The following SIPA1L1 variants were observed in gnomAD, a reference collection of about 807,000 sequenced individuals.
The protein encoded by SIPA1L1 is signal induced proliferation associated 1 like 1.
In SIPA1L1, 26 loss-of-function variants were observed where a neutral mutation model predicts 162.7. The ratio of observed to expected loss-of-function variants is 0.16; its 90% CI spans 0.12 to 0.22. The LOEUF (loss-of-function observed/expected upper bound fraction) is 0.22, where lower values mean the gene tolerates loss of function less well. Ranked by LOEUF, SIPA1L1 falls within the 10% of genes least tolerant of loss-of-function variation. The pLI, the probability that SIPA1L1 is intolerant of heterozygous loss-of-function variation, is 1.00. For missense variants in SIPA1L1, 1,874 were observed against 2,241.0 expected (o/e 0.84, Z 3.31); for synonymous variants, 829 against 837.4 (o/e 0.99, Z 0.17).
intron 5 of SIPA1L1, among the ~76,000 whole-genome samples, chr14:71,600,891 A>G (rs1004388306): frequency 1.1e-4 from 17 of 151,976 alleles, no homozygotes; most frequent in African/African-American, 4.1e-4. Flanking sequence ...TTCTTTCTCA[A>G]CTAATTCGTT....
At chr14:71,343,682 T>C (rs2035881088) in intron 2 of SIPA1L1, among the ~76,000 whole-genome samples, 1 of 152,026 alleles carries the variant, frequency 6.6e-6, no homozygotes, top group East Asian at 1.9e-4. Context: ...GTAAAAGGCT[T>C]TAAGGTGAAA....
At chr14:71,593,974 A>G (rs1294955805) in intron 5 of SIPA1L1, among the ~76,000 whole-genome samples, 1 of 152,212 alleles carries the variant, frequency 6.6e-6, no homozygotes, top group Non-Finnish European at 1.5e-5. Context: ...CCCATTCCTT[A>G]AAAGAGGGAC....
chr14:71,553,541 A>G lies in SIPA1L1; in HGVS notation c.-303+24171A>G, dbSNP rs555617841. Among the ~76,000 whole-genome samples, 14 of 152,350 alleles carry G rather than the reference A, an allele frequency of 9.2e-5. 3 individuals are homozygous for G. The Middle Eastern group carries it at 0.044, about 481-fold the overall frequency. Reference sequence around the variant, plus strand: ...GTTTGAATGTTTTAATTGGATGTCAAGATAGGAAAGGCATGTTTTTCAGAG... The same window carrying G: ...GTTTGAATGTTTTAATTGGATGTCAGGATAGGAAAGGCATGTTTTTCAGAG... On this transcript the variant is annotated intron_variant, in intron 4 of 23. Transcript: ENST00000381232.
chr14:71,386,416 C>T (rs2040328391), intron 2 of SIPA1L1, among the ~76,000 whole-genome samples: 2 of 152,190 alleles, frequency 1.3e-5, no homozygotes, highest in Non-Finnish European at 2.9e-5. Flanking sequence ...GGTGGGTCTG[C>T]CTTTCCCAGT....
chr14:71,723,994 G>A (rs1468648432), intron 18 of SIPA1L1, 108 bp downstream of exon 18: 12 of 1,313,790 alleles, frequency 9.1e-6, no homozygotes, highest in Non-Finnish European at 1.0e-6. Context: ...TAGGGGGTTG[G>A]CAGGAGTTGG....
At chr14:71,416,329 G>C (rs1566994173) in intron 2 of SIPA1L1, 1 of 152,024 alleles carries the variant, frequency 6.6e-6, no homozygotes, top group Non-Finnish European at 1.5e-5. Context: ...TCAAGACAGA[G>C]CATTTTGGGT....
At chr14:71,639,471 C>T (rs2041486989) in intron 7 of SIPA1L1, among the ~76,000 whole-genome samples, 1 of 152,170 alleles carries the variant, frequency 6.6e-6, no homozygotes, top group South Asian at 2.1e-4. Context: ...AGAGCGTTAA[C>T]ATATATTAAT....
At chr14:71,456,281 A>G (rs118035101) in intron 2 of SIPA1L1, among the ~76,000 whole-genome samples, 279 of 152,346 alleles carry the variant, frequency 1.8e-3, no homozygotes, top group Non-Finnish European at 2.5e-3. Context: ...ACAGACACGC[A>G]TTAACTGATC....
At chr14:71,415,988 A>G (rs571450862) in intron 2 of SIPA1L1, 2 of 152,162 alleles carry the variant, frequency 1.3e-5, no homozygotes, top group East Asian at 3.9e-4. Flanking sequence ...GTGAGCCACC[A>G]TGCCCGGATG....
chr14:71,703,788 C>G (rs568318064), intron 15 of SIPA1L1, among the ~76,000 whole-genome samples: 2 of 152,250 alleles, frequency 1.3e-5, no homozygotes, highest in Middle Eastern at 3.4e-3. Context: ...CTCCCACTCT[C>G]GGGAAGTCAC....
At chr14:71,531,913 A>T (rs1265009133) in intron 4 of SIPA1L1, among the ~76,000 whole-genome samples, 1 of 152,220 alleles carries the variant, frequency 6.6e-6, no homozygotes, top group African/African-American at 2.4e-5. Context: ...TGCCTCCATG[A>T]AACTGAATAG....
chr14:71,611,018 A>C (rs1490498090), intron 5 of SIPA1L1, among the ~76,000 whole-genome samples: 1 of 152,228 alleles, frequency 6.6e-6, no homozygotes, highest in Non-Finnish European at 1.5e-5. Flanking sequence ...AGTCCTGTTT[A>C]AATGTCCCCA....
intron 2 of SIPA1L1, among the ~76,000 whole-genome samples, chr14:71,481,819 A>G (rs1248184213): frequency 6.6e-6 from 1 of 152,234 alleles, no homozygotes; most frequent in African/African-American, 2.4e-5. Context: ...AGGATATAGG[A>G]GTAGACAATT....
chr14:71,330,502 G>C, intron 2 of SIPA1L1: 1 of 1,599,878 alleles, frequency 6.3e-7, no homozygotes, highest in Non-Finnish European at 8.6e-7. Flanking sequence ...CTGAAGTCCT[G>C]CTCTATGTGC....
intron 10 of SIPA1L1, 36 bp from the exon 11 acceptor site, chr14:71,671,083 A>G (rs2044471453): frequency 6.7e-7 from 1 of 1,493,944 alleles, no homozygotes; most frequent in Non-Finnish European, 9.1e-7. Flanking sequence ...AGACTGAGAA[A>G]TACTGACGTG....
chr14:71,660,713 A>T (rs1288079796), intron 9 of SIPA1L1, among the ~76,000 whole-genome samples: 2 of 152,210 alleles, frequency 1.3e-5, no homozygotes, highest in Non-Finnish European at 2.9e-5. Context: ...AAAGCCACCC[A>T]TCCAAAACCC....
intron 4 of SIPA1L1, among the ~76,000 whole-genome samples, chr14:71,544,137 A>G (rs560554532): frequency 4.6e-5 from 7 of 150,864 alleles, no homozygotes; most frequent in South Asian, 4.1e-4. Flanking sequence ...GTGTATGTAT[A>G]TACATATATG....
Position 71,723,708 on chromosome 14 carries a change from AAAG to A in SIPA1L1, c.4275_4277del (p.Glu1426del). The A allele has an allele frequency of 6.2e-7, 1 of 1,614,110 alleles. No individual in the cohort carries two copies. Among genetic ancestry groups the A allele is most frequent in the Non-Finnish European group, 8.5e-7 (1 of 1,180,022 alleles). ...TTTCACCAGTGCCCGGAGTTCACCT[AAAG>A]AAGAGCTTCATCCAGCTGCCCCCTC... On this transcript the variant is annotated inframe_deletion, in exon 18 of 24. Transcript: ENST00000381232.
At chr14:71,547,439 G>A (rs1288615927) in intron 4 of SIPA1L1, among the ~76,000 whole-genome samples, 1 of 151,304 alleles carries the variant, frequency 6.6e-6, no homozygotes, top group Non-Finnish European at 1.5e-5. Context: ...GATTACAAGT[G>A]TGCACCACTA....
Sources: allele counts gnomAD v4.1 joint callset (sites outside exome capture counted in the v4.1 genomes callset), GRCh38; gene constraint gnomAD v4.1.1; transcripts MANE v1.5; gene names NCBI Gene and HGNC (gene_info 2026-07-23, HGNC 2026-07-21).